The following BBS9 variants were observed in gnomAD, a reference collection of about 807,000 sequenced individuals.
The protein encoded by BBS9 is protein PTHB1.
A neutral mutation model predicts 117.7 loss-of-function variants in BBS9; 89 were observed. The ratio of observed to expected loss-of-function variants is 0.76; its 90% CI spans 0.64 to 0.90. The LOEUF is 0.90. BBS9 is among the 40% of genes least tolerant of loss of function. BBS9 has a pLI of 0.00. For missense variants in BBS9, 982 were observed against 1,042.2 expected (o/e 0.94, Z 0.80); for synonymous variants, 379 against 370.9 (o/e 1.02, Z -0.25).
intron 19 of BBS9, among the ~76,000 whole-genome samples, chr7:33,457,524 C>T (rs569135511): frequency 1.9e-4 from 29 of 152,102 alleles, no homozygotes; most frequent in Non-Finnish European, 2.6e-4. Context: ...GAAATGTCAC[C>T]GTATTCATTT....
chr7:33,494,264 C>T (rs565671968), intron 19 of BBS9, among the ~76,000 whole-genome samples: 9 of 152,146 alleles, frequency 5.9e-5, no homozygotes, highest in African/African-American at 2.2e-4. Context: ...TCATATAGTA[C>T]CTGGGGCAGC....
intron 16 of BBS9, among the ~76,000 whole-genome samples, chr7:33,359,125 C>T (rs965521898): frequency 6.6e-6 from 1 of 151,698 alleles, no homozygotes; most frequent in Admixed American, 6.6e-5. Flanking sequence ...TTGTAACAAA[C>T]TTGGATTATG....
chr7:33,629,600 C>T (rs188761506), intron 21 of BBS9, among the ~76,000 whole-genome samples: 3 of 152,198 alleles, frequency 2.0e-5, no homozygotes, highest in Admixed American at 2.0e-4. Flanking sequence ...ATGTATAACT[C>T]GTTTGGTATG....
intron 20 of BBS9, among the ~76,000 whole-genome samples, chr7:33,525,975 C>T (rs964490829): frequency 1.3e-5 from 2 of 151,428 alleles, no homozygotes; most frequent in African/African-American, 2.4e-5. Flanking sequence ...ATTTGCTTGT[C>T]TGTAAAGTAT....
intron 21 of BBS9, among the ~76,000 whole-genome samples, chr7:33,632,352 C>CA (rs903453847): frequency 3.3e-5 from 5 of 152,168 alleles, no homozygotes; most frequent in African/African-American, 1.2e-4. Context: ...CCACTTATTT[C>CA]AAAATCATGG....
chr7:33,329,025 A>ATTTG (rs1255122243), intron 9 of BBS9, among the ~76,000 whole-genome samples: 24 of 141,826 alleles, frequency 1.7e-4, no homozygotes, highest in South Asian at 8.6e-4. Flanking sequence ...TTATTTATTT[A>ATTTG]TTTGTTTATT....
At chr7:33,541,686 G>A (rs1399658223) in intron 21 of BBS9, among the ~76,000 whole-genome samples, 1 of 152,178 alleles carries the variant, frequency 6.6e-6, no homozygotes, top group African/African-American at 2.4e-5. Flanking sequence ...GTAAGCGAAA[G>A]AAGCCAGTCA....
At chr7:33,513,766 TC>T (rs1349398632) in intron 20 of BBS9, among the ~76,000 whole-genome samples, 1 of 152,214 alleles carries the variant, frequency 6.6e-6, no homozygotes, top group Non-Finnish European at 1.5e-5. Flanking sequence ...CACAAAAATT[TC>T]CAATCTTACC....
At chr7:33,323,124 G>T (rs544847058) in intron 9 of BBS9, among the ~76,000 whole-genome samples, 6 of 151,894 alleles carry the variant, frequency 4.0e-5, no homozygotes, top group Admixed American at 6.6e-5. Flanking sequence ...AGTTTTTTTT[G>T]AATGTTTTAG....
At chr7:33,590,443 G>GTTTTTTTT (rs796911496) in intron 21 of BBS9, among the ~76,000 whole-genome samples, 1 of 88,180 alleles carries the variant, frequency 1.1e-5, no homozygotes, top group African/African-American at 8.0e-5. Flanking sequence ...GCCACTGTTT[G>GTTTTTTTT]TTTTTTTGTT....
At chr7:33,129,467 G>C (rs1789244422), upstream of BBS9, 1 of 214,310 alleles carries the variant, frequency 4.7e-6, no homozygotes, top group African/African-American at 2.3e-5. Context: ...TCAGAAGTCG[G>C]TCCCCGCCTT....
intron 21 of BBS9, among the ~76,000 whole-genome samples, chr7:33,567,269 C>T (rs548224578): frequency 1.3e-4 from 20 of 152,312 alleles, no homozygotes; most frequent in African/African-American, 4.1e-4. Flanking sequence ...AGCATTCAAA[C>T]TCAGCAGTCT....
chr7:33,248,428 T>G (rs1370138566), intron 5 of BBS9, among the ~76,000 whole-genome samples: 4 of 152,192 alleles, frequency 2.6e-5, no homozygotes, highest in African/African-American at 9.6e-5. Flanking sequence ...TAGCTATTCT[T>G]TCATCTAATT....
chr7:33,454,491 C>T (rs1201998535), intron 19 of BBS9, among the ~76,000 whole-genome samples: 1 of 152,226 alleles, frequency 6.6e-6, no homozygotes, highest in Non-Finnish European at 1.5e-5. Flanking sequence ...TTATTTCTCT[C>T]TGGCCTGTAT....
chr7:33,577,130 G>C (rs1859039589), intron 21 of BBS9, among the ~76,000 whole-genome samples: 1 of 151,840 alleles, frequency 6.6e-6, no homozygotes, highest in Non-Finnish European at 1.5e-5. Context: ...TACAGAATGG[G>C]AGAAAATTTT....
At chr7:33,235,786 G>A (rs1284600486) in intron 5 of BBS9, among the ~76,000 whole-genome samples, 1 of 152,138 alleles carries the variant, frequency 6.6e-6, no homozygotes, top group Non-Finnish European at 1.5e-5. Context: ...GGGAAAAGTA[G>A]AGTTGATTCC....
intron 21 of BBS9, among the ~76,000 whole-genome samples, chr7:33,582,173 G>A (rs1336786908): frequency 6.6e-6 from 1 of 152,034 alleles, no homozygotes; most frequent in Admixed American, 6.6e-5. Flanking sequence ...CAGGGCACTG[G>A]GTGAGGGAAG....
intron 9 of BBS9, among the ~76,000 whole-genome samples, chr7:33,278,577 G>A (rs958532883): frequency 2.0e-5 from 3 of 152,114 alleles, no homozygotes; most frequent in African/African-American, 7.2e-5. Flanking sequence ...TCAGGAGGTG[G>A]CATTGCAGAT....
At chr7:33,573,206 C>T (rs1215034514) in intron 21 of BBS9, among the ~76,000 whole-genome samples, 1 of 151,986 alleles carries the variant, frequency 6.6e-6, no homozygotes, top group East Asian at 1.9e-4. Context: ...TTGAAATAAG[C>T]AATTTCTCCT....
Sources: gnomAD v4.1 joint callset for allele counts (sites outside exome capture counted in the v4.1 genomes callset) on GRCh38, gnomAD v4.1.1 for gene constraint, MANE v1.5 for transcripts, NCBI Gene and HGNC (gene_info 2026-07-23, HGNC 2026-07-21) for gene names.